The following KSR2 variants were observed in gnomAD, a reference collection of about 807,000 sequenced individuals.
KSR2 encodes kinase suppressor of ras 2.
A neutral mutation model predicts 107.8 loss-of-function variants in KSR2; 25 were observed. The ratio of observed to expected loss-of-function variants is 0.23; its 90% CI spans 0.17 to 0.32. The LOEUF (loss-of-function observed/expected upper bound fraction) is 0.32. Ranked by LOEUF, KSR2 falls within the 10% of genes least tolerant of loss-of-function variation. The pLI is 1.00. For synonymous variants in KSR2, 480 were observed against 507.0 expected, an observed-to-expected ratio of 0.95 and a Z score of 0.71; for missense variants, 887 against 1,268.9, an observed-to-expected ratio of 0.70 and a Z score of 4.57.
At chr12:117,901,987 T>C (rs1486410986) in intron 1 of KSR2, among the ~76,000 whole-genome samples, 5 of 152,204 alleles carry the variant, frequency 3.3e-5, no homozygotes. Flanking sequence ...ACTTCTTGGC[T>C]CTAGGAGAAA....
intron 1 of KSR2, among the ~76,000 whole-genome samples, chr12:117,915,447 A>G (rs559081026): frequency 6.6e-6 from 1 of 152,356 alleles, no homozygotes; most frequent in South Asian, 2.1e-4. Flanking sequence ...AGACACAAAC[A>G]TTCAGTCCAT....
chr12:117,828,183 C>T (rs1301357879), intron 3 of KSR2, among the ~76,000 whole-genome samples: 1 of 152,168 alleles, frequency 6.6e-6, no homozygotes, highest in African/African-American at 2.4e-5. Flanking sequence ...CCAGGGCCTA[C>T]CCAGTGTCCG....
rs747697099 is a variant in KSR2 at position 117,581,960 on chromosome 12, G to GA, written c.1241+329dup. 2.0e-5 allele frequency among the ~76,000 whole-genome samples: 3 copies of GA among 152,158 alleles called. No homozygotes were observed. The East Asian group carries it at 5.8e-4, about 29-fold the overall frequency. On this transcript the variant is annotated intron_variant, in intron 6 of 19. Coordinates refer to ENST00000339824, the MANE Select transcript of KSR2 (RefSeq NM_173598.6). The stretch of plus-strand genomic sequence containing the variant: ...CTATAGGTAGGCAGAATTACCTAAA[G>GA]AAAAAATTGAGCCTCAGAAAGGTTA...
chr12:117,584,961 C>T (rs1477811067), intron 5 of KSR2, among the ~76,000 whole-genome samples: 2 of 152,154 alleles, frequency 1.3e-5, no homozygotes, highest in East Asian at 3.9e-4. Flanking sequence ...TTCCAGGAGC[C>T]CCCGCACCCC....
At chr12:117,504,070 A>T (rs1044047419) in intron 14 of KSR2, among the ~76,000 whole-genome samples, 2 of 151,958 alleles carry the variant, frequency 1.3e-5, no homozygotes, top group African/African-American at 4.8e-5. Context: ...ATTCAATTTC[A>T]TTTTTTTGTT....
At chr12:117,675,279 G>T (rs1885070156) in intron 4 of KSR2, among the ~76,000 whole-genome samples, 1 of 152,178 alleles carries the variant, frequency 6.6e-6, no homozygotes, top group African/African-American at 2.4e-5. Flanking sequence ...TGGGTCTACA[G>T]ATGCTCACCC....
chr12:117,596,819 A>G (rs1330411658), intron 5 of KSR2, among the ~76,000 whole-genome samples: 1 of 152,240 alleles, frequency 6.6e-6, no homozygotes, highest in East Asian at 1.9e-4. Context: ...TGCTAAAATA[A>G]GGGTCATAAC....
chr12:117,861,550 G>A (rs192122578), intron 1 of KSR2, among the ~76,000 whole-genome samples: 5,357 of 151,552 alleles, frequency 0.035, 136 homozygotes, highest in Non-Finnish European at 0.052. Context: ...CACCACACCC[G>A]GCTAATTTTT....
intron 7 of KSR2, 28 bp downstream of exon 7, chr12:117,579,091 A>G (rs373452206): frequency 4.2e-4 from 664 of 1,570,000 alleles, no homozygotes; most frequent in Non-Finnish European, 5.5e-4. Flanking sequence ...GGTGCTGCGA[A>G]AAGTCACTGC....
chr12:117,616,171 A>AG (rs71099062), intron 5 of KSR2, among the ~76,000 whole-genome samples: 1 of 150,400 alleles, frequency 6.6e-6, no homozygotes, highest in Non-Finnish European at 1.5e-5. Flanking sequence ...GAAAAAAAAA[A>AG]AAAACAGATT....
intron 4 of KSR2, among the ~76,000 whole-genome samples, chr12:117,707,981 G>T (rs1049598919): frequency 6.6e-6 from 1 of 152,166 alleles, no homozygotes; most frequent in Non-Finnish European, 1.5e-5. Context: ...AAATTATCTT[G>T]GGAAATTCAA....
At chr12:117,892,939 A>C (rs1198735476) in intron 1 of KSR2, among the ~76,000 whole-genome samples, 1 of 151,984 alleles carries the variant, frequency 6.6e-6, no homozygotes, top group Non-Finnish European at 1.5e-5. Flanking sequence ...ACCCAACTGG[A>C]CTCAACAATT....
At chr12:117,583,735 C>A (rs1329486632) in intron 5 of KSR2, among the ~76,000 whole-genome samples, 1 of 152,112 alleles carries the variant, frequency 6.6e-6, no homozygotes, top group East Asian at 1.9e-4. Flanking sequence ...AGCTTGCAGG[C>A]CCCAGAGAGC....
At chr12:117,818,115 A>T (rs1379112988) in intron 3 of KSR2, among the ~76,000 whole-genome samples, 2 of 152,112 alleles carry the variant, frequency 1.3e-5, no homozygotes, top group Non-Finnish European at 2.9e-5. Flanking sequence ...AAATAAAAAA[A>T]AAAAAGTTCC....
chr12:117,539,887 C>T lies in KSR2; in HGVS notation c.1519G>A (p.Asp507Asn). ...TLPKTNKINK[D>N]HIPVPYQPDS... ...GGCTGGTAAGGGACAGGGATGTGGT[C>T]CTGCAGAGAGAAAACAGGGTAGGAG... Residue 507 changes from aspartate (D) to asparagine (N), a missense_variant and splice_region_variant, in exon 10 of 20, where the codon GAC becomes AAC. Around this residue, in one of 8 missense-constraint regions of KSR2, gnomAD observed 60 missense variants for 77.5 expected, o/e 0.77. Transcript: ENST00000339824. 1 of 1,599,542 alleles carries T rather than the reference C, an allele frequency of 6.3e-7. No individual in the cohort carries two copies. The highest frequency in any genetic ancestry group is 2.3e-5 in the East Asian group (1 of 43,820).
At position 117,579,375 on chromosome 12, in the gene KSR2, T is replaced by C. The variant is rs530058588; in HGVS notation, c.1242-173A>G. On this transcript the variant is annotated intron_variant, in intron 6 of 19. Coordinates refer to ENST00000339824, the MANE Select transcript of KSR2 (RefSeq NM_173598.6). ...AACCACTGGAACCTCAGTTTCCCCA[T>C]CTGTTAAGTCCAGATAATAACAGTA... is the stretch of plus-strand genomic sequence containing the variant. Among the ~76,000 whole-genome samples the C allele has an allele frequency of 6.8e-4, 104 of 152,332 alleles. 2 individuals carry two copies. In the South Asian group the frequency reaches 0.019, roughly 27 times the overall value.
At chr12:117,645,855 G>T (rs1883595333) in intron 5 of KSR2, among the ~76,000 whole-genome samples, 2 of 141,072 alleles carry the variant, frequency 1.4e-5, no homozygotes, top group Admixed American at 1.5e-4. Flanking sequence ...TCTGGAATGT[G>T]CATGTGTATG....
intron 3 of KSR2, among the ~76,000 whole-genome samples, chr12:117,793,345 GCATGCACACACCCTCACACCAA>G (rs931153635): frequency 1.1e-5 from 1 of 87,926 alleles, no homozygotes; most frequent in Non-Finnish European, 2.2e-5. Flanking sequence ...ATACACACCA[GCATGCACACACCCTCACACCAA>G]CATGCACACA....
chr12:117,609,681 G>A (rs547509280), intron 5 of KSR2, among the ~76,000 whole-genome samples: 2 of 152,276 alleles, frequency 1.3e-5, no homozygotes, highest in African/African-American at 4.8e-5. Context: ...TCGTGACAGA[G>A]GCCATATGAC....
Sources: allele counts gnomAD v4.1 joint callset (sites outside exome capture counted in the v4.1 genomes callset), GRCh38; gene constraint gnomAD v4.1.1; regional missense constraint gnomAD v4.1.1; transcripts MANE v1.5; gene names NCBI Gene and HGNC (gene_info 2026-07-23, HGNC 2026-07-21).